The following CMTM4 variants were observed in gnomAD, a reference collection of about 807,000 sequenced individuals.
The protein encoded by CMTM4 is CKLF-like MARVEL transmembrane domain-containing protein 4.
In CMTM4, 8 loss-of-function variants were observed where a neutral mutation model predicts 19.0. The ratio of observed to expected loss-of-function variants is 0.42; its 90% CI spans 0.25 to 0.76. The LOEUF (loss-of-function observed/expected upper bound fraction) is 0.76, where lower values mean the gene tolerates loss of function less well. Ranked by LOEUF, CMTM4 falls within the 30% of genes least tolerant of loss-of-function variation. The pLI is 0.27. For synonymous variants in CMTM4, 106 were observed against 121.1 expected, an observed-to-expected ratio of 0.88 and a Z score of 0.82; for missense variants, 228 against 290.2, an observed-to-expected ratio of 0.79 and a Z score of 1.56.
At chr16:66,609,103 A>G in the CMTM4 span, among the ~76,000 whole-genome samples, 26 of 152,116 alleles carry the variant, frequency 1.7e-4, no homozygotes, top group Non-Finnish European at 2.4e-4. The surrounding 1 kb of genome is among the most constrained non-coding windows in gnomAD (Gnocchi z 4.4). Flanking sequence ...GATCTCCCCA[A>G]TGGAGAGCGG....
chr16:66,650,459 C>A (rs940780574), intron 1 of CMTM4, among the ~76,000 whole-genome samples: 2 of 152,204 alleles, frequency 1.3e-5, no homozygotes, highest in Admixed American at 1.3e-4. Context: ...ACAGATGCAG[C>A]CTGGCCCTTT....
At position 66,623,462 on chromosome 16, in the gene CMTM4, A is replaced by G. The variant is rs2015677766; in HGVS notation, c.404T>C (p.Ile135Thr). Residue 135 changes from isoleucine to threonine, a missense_variant, in exon 3 of 4, where the codon ATT (isoleucine) becomes ACT (threonine). Transcript: ENST00000394106. ...TAAAGCAGCCAGTACGATTGAAGCAATAAAGAAAAGGAAAGCGCTGAGTCC... is the reference window on the plus strand; with the variant it reads ...TAAAGCAGCCAGTACGATTGAAGCAGTAAAGAAAAGGAAAGCGCTGAGTCC... The part of the protein sequence containing the change: ...NTGLSAFLFF[I>T]ASIVLAALNH... 26 of 1,613,936 alleles carry G rather than the reference A, an allele frequency of 1.6e-5. No individual in the cohort carries two copies. Among genetic ancestry groups the G allele is most frequent in the Non-Finnish European group, 2.2e-5 (26 of 1,179,966 alleles).
At chr16:66,693,524 AT>A (rs1330802351) in intron 1 of CMTM4, among the ~76,000 whole-genome samples, 1 of 152,166 alleles carries the variant, frequency 6.6e-6, no homozygotes, top group Non-Finnish European at 1.5e-5. Flanking sequence ...TTAGAGTCCA[AT>A]TTCTTGGAGT....
chr16:66,674,732 CTTTTTTTTTTTTTTTT>C (rs771044359), intron 1 of CMTM4, among the ~76,000 whole-genome samples: 6 of 92,486 alleles, frequency 6.5e-5, no homozygotes, highest in Non-Finnish European at 1.3e-4. Context: ...GTTACATATT[CTTTTTTTTTTTTTTTT>C]TTTTTTTTTT....
At chr16:66,663,370 G>A (rs2016532679) in intron 1 of CMTM4, among the ~76,000 whole-genome samples, 1 of 152,012 alleles carries the variant, frequency 6.6e-6, no homozygotes, top group Admixed American at 6.6e-5. Flanking sequence ...GCCAGGCATG[G>A]TGGTATACCC....
chr16:66,604,884 C>T, the CMTM4 span: 1 of 1,431,812 alleles, frequency 7.0e-7, no homozygotes, highest in Non-Finnish European at 9.1e-7. Flanking sequence ...GGTCCCCGGG[C>T]TCCGCGCCCT....
Position 66,687,940 on chromosome 16 carries a change from G to T in CMTM4, c.186+8400C>A, listed in dbSNP as rs546534074. Among the ~76,000 whole-genome samples the T allele has an allele frequency of 2.6e-5, 4 of 152,146 alleles. No homozygotes were observed. In the South Asian group the frequency reaches 8.3e-4, roughly 32 times the overall value. On this transcript the variant is annotated intron_variant, in intron 1 of 3. Transcript: ENST00000394106. ...CTGACCTTGTGATCTGCCCGCCTCGGCCTCCCAGAGTGCTGGGATTACAGG... is the reference window on the plus strand; with the variant it reads ...CTGACCTTGTGATCTGCCCGCCTCGTCCTCCCAGAGTGCTGGGATTACAGG...
At chr16:66,598,530 C>T in the CMTM4 span, among the ~76,000 whole-genome samples, 1 of 152,156 alleles carries the variant, frequency 6.6e-6, no homozygotes. Context: ...ACCACCACCC[C>T]AATCAAAATA....
chr16:66,681,287 T>C (rs1416765854), intron 1 of CMTM4, among the ~76,000 whole-genome samples: 4 of 152,016 alleles, frequency 2.6e-5, no homozygotes, highest in Non-Finnish European at 5.9e-5. Context: ...TTATTAATGA[T>C]AGTTGACATG....
At chr16:66,691,024 G>T (rs542701991) in intron 1 of CMTM4, among the ~76,000 whole-genome samples, 70 of 152,306 alleles carry the variant, frequency 4.6e-4, no homozygotes, top group Non-Finnish European at 7.4e-4. Context: ...GGCTGAGGCA[G>T]GAGGCTCCCT....
intron 1 of CMTM4, among the ~76,000 whole-genome samples, chr16:66,651,159 G>A (rs1054055404): frequency 6.6e-6 from 1 of 152,126 alleles, no homozygotes; most frequent in Non-Finnish European, 1.5e-5. Flanking sequence ...CTGTGCTTCC[G>A]AAGCCAGCTC....
chr16:66,598,607 TTC>T, the CMTM4 span, among the ~76,000 whole-genome samples: 1 of 152,172 alleles, frequency 6.6e-6, no homozygotes, highest in African/African-American at 2.4e-5. Context: ...CCGATCTGAT[TTC>T]TGTTACTGTA....
chr16:66,661,195 AAG>A (rs143982255), intron 1 of CMTM4, among the ~76,000 whole-genome samples: 1,722 of 152,384 alleles, frequency 0.011, 33 homozygotes, highest in African/African-American at 0.036. Flanking sequence ...ATCTGTGAAT[AAG>A]AGACTTCAGA....
intron 2 of CMTM4, among the ~76,000 whole-genome samples, chr16:66,633,875 G>T (rs986997221): frequency 5.3e-5 from 8 of 150,738 alleles, no homozygotes; most frequent in Non-Finnish European, 1.2e-4. Context: ...ATGCCCTTTT[G>T]TTGGGCAAAC....
chr16:66,645,435 A>C (rs1412708529), intron 1 of CMTM4, among the ~76,000 whole-genome samples: 1 of 147,564 alleles, frequency 6.8e-6, no homozygotes, highest in East Asian at 2.0e-4. Context: ...AAAATTAGCC[A>C]GGCATGGTGG....
intron 2 of CMTM4, among the ~76,000 whole-genome samples, chr16:66,624,362 A>G (rs2015695409): frequency 6.6e-6 from 1 of 152,234 alleles, no homozygotes; most frequent in African/African-American, 2.4e-5. Context: ...CCTCTATAGG[A>G]AAAAAATTCA....
At chr16:66,603,522 CGT>C in the CMTM4 span, among the ~76,000 whole-genome samples, 4 of 152,104 alleles carry the variant, frequency 2.6e-5, no homozygotes, top group Admixed American at 6.6e-5. Flanking sequence ...CTCCTGACCT[CGT>C]GATCCACCCA....
chr16:66,631,186 G>GGAGGGAGGTGGGGGTCAGCCCCCGCCCGT (rs2015857288), intron 2 of CMTM4, among the ~76,000 whole-genome samples: 1 of 150,450 alleles, frequency 6.6e-6, no homozygotes, highest in Non-Finnish European at 1.5e-5. Flanking sequence ...CCCCCGCCCG[G>GGAGGGAGGTGGGGGTCAGCCCCCGCCCGT]CCAGCCGCCC....
intron 1 of CMTM4, among the ~76,000 whole-genome samples, chr16:66,689,512 A>T (rs2017098356): frequency 6.6e-6 from 1 of 152,126 alleles, no homozygotes; most frequent in Non-Finnish European, 1.5e-5. Flanking sequence ...CCTGGGCTCA[A>T]GCAATTCTCC....
Sources: allele counts gnomAD v4.1 joint callset (sites outside exome capture counted in the v4.1 genomes callset), GRCh38; gene constraint gnomAD v4.1.1; non-coding constraint Gnocchi (gnomAD v3.1); transcripts MANE v1.5; gene names NCBI Gene and HGNC (gene_info 2026-07-23, HGNC 2026-07-21).